The following COL19A1 variants were observed in gnomAD, a reference collection of about 807,000 sequenced individuals.
COL19A1 encodes collagen alpha-1(XIX) chain.
Under a neutral mutation model 190.2 loss-of-function variants are expected in COL19A1, and 159 were observed. That is an observed-to-expected ratio of 0.84 (90% confidence interval 0.73 to 0.95). The LOEUF is 0.95. Ranked by LOEUF, COL19A1 falls within the 40% of genes least tolerant of loss-of-function variation. COL19A1 has a pLI of 0.00. For missense variants in COL19A1, 1,418 were observed against 1,431.9 expected (o/e 0.99, Z 0.16); for synonymous variants, 509 against 458.9 (o/e 1.11, Z -1.39).
intron 9 of COL19A1, among the ~76,000 whole-genome samples, chr6:69,958,260 T>C (rs1774552916): frequency 6.6e-6 from 1 of 152,112 alleles, no homozygotes; most frequent in Non-Finnish European, 1.5e-5. Flanking sequence ...TTTTTGGCAG[T>C]GTATACCGTA....
rs1583072485 is a variant in COL19A1, at chr6:70,168,299, T to A, written c.2541+84T>A. On this transcript the variant is annotated intron_variant, in intron 39 of 50. Coordinates refer to ENST00000620364, the MANE Select transcript of COL19A1 (RefSeq NM_001858.6). ...AACAATAAAAACCTCTTAAGTTCAC[T>A]GAAAAACGCATGTTATGAATACAGC... The A allele has an allele frequency of 2.1e-6, 3 of 1,424,938 alleles. No homozygotes were observed. The African/African-American group carries it at 4.3e-5, about 20-fold the overall frequency. The allele number at this position is 1,424,938 out of a possible 1,614,324, so 88.3% of individuals were successfully genotyped here. A position where few individuals can be genotyped will look rare whatever the true frequency, so the allele number is the denominator to read the frequency against.
chr6:70,184,941 T>TGA (rs1554223702), intron 46 of COL19A1, 26 bp downstream of exon 46: 1 of 1,601,222 alleles, frequency 6.2e-7, no homozygotes, highest in Non-Finnish European at 8.5e-7. Context: ...TTGTGATTGT[T>TGA]ATTCAAGTCT....
At chr6:70,019,656 T>C (rs930858391) in intron 11 of COL19A1, among the ~76,000 whole-genome samples, 1 of 152,130 alleles carries the variant, frequency 6.6e-6, no homozygotes, top group Non-Finnish European at 1.5e-5. Context: ...TAGGATTTCG[T>C]TGAAGTTTTT....
chr6:69,886,226 A>G (rs1367054368), intron 2 of COL19A1, among the ~76,000 whole-genome samples: 1 of 152,242 alleles, frequency 6.6e-6, no homozygotes, highest in African/African-American at 2.4e-5. Flanking sequence ...GGTATATGAA[A>G]AAGTGATCAA....
chr6:70,114,328 T>C (rs1270298875), intron 16 of COL19A1, among the ~76,000 whole-genome samples: 1 of 152,132 alleles, frequency 6.6e-6, no homozygotes, highest in African/African-American at 2.4e-5. Flanking sequence ...TGTGAGGTGG[T>C]TTAGGGGAAA....
chr6:70,182,423 T>TATTC (rs1345253471), intron 44 of COL19A1, among the ~76,000 whole-genome samples: 2 of 152,256 alleles, frequency 1.3e-5, no homozygotes, highest in Non-Finnish European at 2.9e-5. Context: ...CACTAGCAGG[T>TATTC]ATTCAGGTGG....
At chr6:69,966,752 C>T (rs896779769) in intron 11 of COL19A1, among the ~76,000 whole-genome samples, 91 of 148,794 alleles carry the variant, frequency 6.1e-4, no homozygotes, top group African/African-American at 2.2e-3. Context: ...GAGAAACACC[C>T]AAGAATGATC....
intron 11 of COL19A1, among the ~76,000 whole-genome samples, chr6:69,971,943 T>C (rs756837995): frequency 7.2e-5 from 11 of 152,198 alleles, no homozygotes; most frequent in Non-Finnish European, 1.5e-4. Flanking sequence ...TTTAAAAACA[T>C]TTTAGTTGTT....
At chr6:69,921,379 T>TATATATC (rs1275119400) in intron 4 of COL19A1, among the ~76,000 whole-genome samples, 9 of 111,400 alleles carry the variant, frequency 8.1e-5, no homozygotes, top group East Asian at 4.6e-4. Context: ...ATATATATCA[T>TATATATC]ATATATCATA....
At chr6:70,089,698 C>T (rs1562161680) in intron 15 of COL19A1, among the ~76,000 whole-genome samples, 1 of 152,148 alleles carries the variant, frequency 6.6e-6, no homozygotes, top group Admixed American at 6.6e-5. Flanking sequence ...TTAGGCCTTT[C>T]CCTTGAAAAT....
intron 17 of COL19A1, among the ~76,000 whole-genome samples, chr6:70,125,440 T>G (rs896792067): frequency 2.6e-5 from 4 of 152,078 alleles, no homozygotes; most frequent in Admixed American, 6.6e-5. Context: ...CATTTTCCGG[T>G]CCCAGGATCC....
At position 70,063,591 on chromosome 6, in the gene COL19A1, C is replaced by T. The variant is rs1780980764; in HGVS notation, c.1171-4832C>T. 3.9e-5 allele frequency among the ~76,000 whole-genome samples: 6 copies of T among 152,076 alleles called. No homozygotes were observed. The South Asian group carries it at 1.2e-3, about 32-fold the overall frequency. On this transcript the variant is annotated intron_variant, in intron 14 of 50. Coordinates refer to ENST00000620364, the MANE Select transcript of COL19A1 (RefSeq NM_001858.6). ...AAAGAACTAGAGAAGCAAGAGCAAA[C>T]ACATTCAAAAGCTAGCAGAAGGCAA...
chr6:70,063,573 T>A (rs1488607669), intron 14 of COL19A1, among the ~76,000 whole-genome samples: 1 of 152,014 alleles, frequency 6.6e-6, no homozygotes, highest in Admixed American at 6.6e-5. Flanking sequence ...TTAAAAGAAC[T>A]AGAGAAGCAA....
intron 16 of COL19A1, among the ~76,000 whole-genome samples, chr6:70,114,014 C>A (rs1031868237): frequency 6.6e-6 from 1 of 151,882 alleles, no homozygotes; most frequent in African/African-American, 2.4e-5. Context: ...ACATGCCCTG[C>A]TAATTTTTTG....
intron 9 of COL19A1, among the ~76,000 whole-genome samples, chr6:69,952,381 A>G (rs1167089752): frequency 6.6e-6 from 1 of 151,882 alleles, no homozygotes; most frequent in Non-Finnish European, 1.5e-5. Context: ...ACCTTAATGC[A>G]ACACCTAATG....
At chr6:70,043,098 G>A (rs944572712) in intron 14 of COL19A1, among the ~76,000 whole-genome samples, 1 of 152,106 alleles carries the variant, frequency 6.6e-6, no homozygotes, top group Non-Finnish European at 1.5e-5. Context: ...GCCTTTAATG[G>A]CATGTAGAAT....
At chr6:70,093,122 T>C (rs1783030935) in intron 15 of COL19A1, among the ~76,000 whole-genome samples, 1 of 152,062 alleles carries the variant, frequency 6.6e-6, no homozygotes, top group South Asian at 2.1e-4. Flanking sequence ...TGAGGCATTG[T>C]GAAAGTGGAA....
intron 14 of COL19A1, among the ~76,000 whole-genome samples, chr6:70,046,029 A>G (rs1354097623): frequency 6.6e-6 from 1 of 152,196 alleles, no homozygotes; most frequent in Non-Finnish European, 1.5e-5. Flanking sequence ...TTGATTTAAT[A>G]TAACTACTGG....
chr6:70,088,529 T>C (rs9446189), intron 15 of COL19A1, among the ~76,000 whole-genome samples: 49 of 152,258 alleles, frequency 3.2e-4, no homozygotes, highest in African/African-American at 1.1e-3. Flanking sequence ...GTAACAAGTA[T>C]TGAAAGTATG....
Sources: allele counts gnomAD v4.1 joint callset (sites outside exome capture counted in the v4.1 genomes callset), GRCh38; gene constraint gnomAD v4.1.1; transcripts MANE v1.5; gene names NCBI Gene and HGNC (gene_info 2026-07-23, HGNC 2026-07-21).